The following ANKRD11 variants were observed in gnomAD, a reference collection of about 807,000 sequenced individuals.
ANKRD11 encodes the protein ankyrin repeat domain 11, also known as ankyrin repeat domain-containing protein 11.
A neutral mutation model predicts 195.7 loss-of-function variants in ANKRD11; 17 were observed. The ratio of observed to expected loss-of-function variants is 0.09; its 90% CI spans 0.06 to 0.13. ANKRD11 has a LOEUF of 0.13. ANKRD11 is among the 10% of genes least tolerant of loss of function. ANKRD11 has a pLI of 1.00. For missense variants in ANKRD11, 3,735 were observed against 3,566.1 expected (o/e 1.05, Z -1.21); for synonymous variants, 1,953 against 1,528.1 (o/e 1.28, Z -6.49).
chr16:89,396,762 C>T (rs576969836), intron 2 of ANKRD11, among the ~76,000 whole-genome samples: 1 of 152,346 alleles, frequency 6.6e-6, no homozygotes, highest in South Asian at 2.1e-4. Context: ...TCTTGGCTCA[C>T]TGCAACCTCC....
At position 89,279,180 on chromosome 16, in the gene ANKRD11, G is replaced by A; in HGVS notation, c.7362C>T (p.Ile2454=). 6.2e-7 allele frequency: 1 copy of A among 1,612,852 alleles called. No individual in the cohort carries two copies. Among genetic ancestry groups the A allele is most frequent in the Non-Finnish European group, 8.5e-7 (1 of 1,179,918 alleles). ...GCGCCTGCGGCGTGATACAGCACAG[G>A]ATCTTGCGCTTCTCCTCGATCTTCT... is the stretch of plus-strand genomic sequence containing the variant. The part of the protein sequence containing the change: ...IRKKIEEKRK[I]LCCITPQAPQ... The change falls in exon 9 of 13, where the codon ATC becomes ATT. Residue 2454 remains isoleucine (I), a synonymous_variant. Transcript: ENST00000301030. This position sits in a 1 kb window ranked among gnomAD's most constrained non-coding sequence, Gnocchi z 5.6.
chr16:89,397,712 G>A (rs931511680), intron 2 of ANKRD11, among the ~76,000 whole-genome samples: 11 of 152,336 alleles, frequency 7.2e-5, no homozygotes, highest in African/African-American at 2.6e-4. Context: ...TACTGCTCTT[G>A]GAATGTCAAG....
chr16:89,279,887 C>A lies in ANKRD11; in HGVS notation c.6655G>T (p.Ala2219Ser), dbSNP rs184871095. ...GGCACCGTCTCCGCCTCCACCGCAGCTTCTAGAGCCACGTCCAGCTTTGGC... is the reference window on the plus strand; with the variant it reads ...GGCACCGTCTCCGCCTCCACCGCAGATTCTAGAGCCACGTCCAGCTTTGGC... Reference protein sequence around the residue: ...GEPKLDVALEAAVEAETVPEE... With the variant: ...GEPKLDVALESAVEAETVPEE... Residue 2219 changes from alanine to serine, a missense_variant, in exon 9 of 13, where the codon GCT becomes TCT. Transcript: ENST00000301030. This position sits in a 1 kb window ranked among gnomAD's most constrained non-coding sequence, Gnocchi z 5.6. 11 of 1,600,556 alleles carry A rather than the reference C, an allele frequency of 6.9e-6. No individual in the cohort carries two copies. In the East Asian group the frequency reaches 2.5e-4, roughly 36 times the overall value.
chr16:89,468,071 T>G (rs1171565878), intron 1 of ANKRD11, among the ~76,000 whole-genome samples: 1 of 152,224 alleles, frequency 6.6e-6, no homozygotes, highest in Non-Finnish European at 1.5e-5. Context: ...CCCAAAGTGC[T>G]GGGATTACAG....
chr16:89,322,374 C>T (rs906383296), intron 2 of ANKRD11, among the ~76,000 whole-genome samples: 1 of 152,076 alleles, frequency 6.6e-6, no homozygotes, highest in African/African-American at 2.4e-5. Flanking sequence ...TGCTCCTCTC[C>T]TTATGTAAGT....
intron 1 of ANKRD11, among the ~76,000 whole-genome samples, chr16:89,458,320 G>A (rs1027018026): frequency 6.6e-6 from 1 of 152,038 alleles, no homozygotes; most frequent in African/African-American, 2.4e-5. Flanking sequence ...CGCCTCCCGG[G>A]TTCAGGCCAT....
intron 1 of ANKRD11, among the ~76,000 whole-genome samples, chr16:89,466,208 C>T (rs1334408059): frequency 6.6e-6 from 1 of 152,022 alleles, no homozygotes; most frequent in African/African-American, 2.4e-5. Context: ...CACCTGCTGA[C>T]AGTTCAATTC....
At chr16:89,442,799 T>C (rs1362652198) in intron 1 of ANKRD11, among the ~76,000 whole-genome samples, 1 of 151,988 alleles carries the variant, frequency 6.6e-6, no homozygotes, top group Non-Finnish European at 1.5e-5. Flanking sequence ...CTATTCTCAC[T>C]CCAACCCCAT....
At chr16:89,318,815 C>T (rs143592932) in intron 2 of ANKRD11, among the ~76,000 whole-genome samples, 10 of 152,332 alleles carry the variant, frequency 6.6e-5, no homozygotes, top group East Asian at 1.9e-4. Context: ...GTCGGGTCAA[C>T]GTATTCACTG....
At chr16:89,269,068 A>G (rs2032896256) in intron 12 of ANKRD11, among the ~76,000 whole-genome samples, 1 of 152,362 alleles carries the variant, frequency 6.6e-6, no homozygotes, top group Non-Finnish European at 1.5e-5. Context: ...ATGCCATTTA[A>G]AAGTGCACAT....
chr16:89,428,317 A>G (rs2042811900), intron 1 of ANKRD11, among the ~76,000 whole-genome samples: 2 of 152,166 alleles, frequency 1.3e-5, no homozygotes, highest in South Asian at 4.1e-4. Context: ...GAAGGTCAGG[A>G]GATCGAGACC....
At chr16:89,304,610 G>A (rs1002301655) in intron 4 of ANKRD11, among the ~76,000 whole-genome samples, 12 of 149,936 alleles carry the variant, frequency 8.0e-5, no homozygotes, top group Non-Finnish European at 1.6e-4. Context: ...GCACACACAC[G>A]GGCATACATA....
intron 2 of ANKRD11, among the ~76,000 whole-genome samples, chr16:89,347,942 CT>C (rs993295659): frequency 4.5e-4 from 66 of 146,236 alleles, no homozygotes; most frequent in Non-Finnish European, 3.8e-4. Context: ...GGGATTTTGT[CT>C]TTTTTTTTTT....
chr16:89,288,264 C>G (rs1224355769), intron 7 of ANKRD11: 5 of 638,298 alleles, frequency 7.8e-6, no homozygotes, highest in Non-Finnish European at 1.1e-5. Context: ...CTGCTCAAAT[C>G]CAACCAGACC....
chr16:89,287,009 G>GT (rs1193477456), intron 7 of ANKRD11: 1 of 1,289,604 alleles, frequency 7.8e-7, no homozygotes, highest in Non-Finnish European at 1.0e-6. Context: ...TCTTATGTGT[G>GT]TGAGTTTTCT....
Position 89,279,872 on chromosome 16 carries a change from C to T in ANKRD11, c.6670G>A (p.Glu2224Lys), listed in dbSNP as rs1381957912. 3 of 1,574,356 alleles carry T rather than the reference C, an allele frequency of 1.9e-6. No individual in the cohort carries two copies. The highest frequency in any genetic ancestry group is 1.7e-6 in the Non-Finnish European group (2 of 1,161,450). Residue 2224 changes from glutamate (E) to lysine (K), a missense_variant, in exon 9 of 13, where the codon GAG becomes AAG. Coordinates refer to ENST00000301030, the MANE Select transcript of ANKRD11 (RefSeq NM_013275.6). The surrounding 1 kb of genome is among the most constrained non-coding windows in gnomAD (Gnocchi z 5.6). Reference protein sequence around the residue: ...DVALEAAVEAETVPEERARGD... With the variant: ...DVALEAAVEAKTVPEERARGD... ...CGGGCCCTCTCTTCCGGCACCGTCTCCGCCTCCACCGCAGCTTCTAGAGCC... is the reference window on the plus strand; with the variant it reads ...CGGGCCCTCTCTTCCGGCACCGTCTTCGCCTCCACCGCAGCTTCTAGAGCC...
intron 2 of ANKRD11, among the ~76,000 whole-genome samples, chr16:89,397,304 C>T (rs2041482251): frequency 6.6e-6 from 1 of 152,240 alleles, no homozygotes; most frequent in African/African-American, 2.4e-5. Context: ...AGGGCAAGGC[C>T]TCTCACAAGT....
intron 1 of ANKRD11, among the ~76,000 whole-genome samples, chr16:89,461,462 C>T (rs1025586480): frequency 6.6e-6 from 1 of 152,132 alleles, no homozygotes; most frequent in Non-Finnish European, 1.5e-5. Flanking sequence ...TCCCCTCAGC[C>T]TCCTGAGGAG....
intron 4 of ANKRD11, among the ~76,000 whole-genome samples, chr16:89,302,103 C>T (rs1451575004): frequency 6.6e-6 from 1 of 152,232 alleles, no homozygotes; most frequent in Admixed American, 6.5e-5. Context: ...TCTTCTCATC[C>T]CTGCTGGTGT....
Sources: gnomAD v4.1 joint callset for allele counts (sites outside exome capture counted in the v4.1 genomes callset) on GRCh38, gnomAD v4.1.1 for gene constraint, Gnocchi (gnomAD v3.1) non-coding constraint, MANE v1.5 for transcripts, NCBI Gene and HGNC (gene_info 2026-07-23, HGNC 2026-07-21) for gene names.